ADRA1B: variants seen among roughly 807,000 people sequenced by gnomAD.
ADRA1B encodes the protein alpha-1B adrenergic receptor.
In ADRA1B, 17 loss-of-function variants were observed where a neutral mutation model predicts 17.9. The ratio of observed to expected loss-of-function variants is 0.95; its 90% CI spans 0.65 to 1.42. ADRA1B has a LOEUF of 1.42. ADRA1B is among the 40% of genes most tolerant of loss of function. The probability of loss-of-function intolerance (pLI) is 0.00; values close to 1 mark genes in which losing one functional copy is unlikely to be tolerated. For synonymous variants in ADRA1B, 366 were observed against 327.6 expected (o/e 1.12, Z -1.27); for missense variants, 681 against 722.1 (o/e 0.94, Z 0.65).
intron 1 of ADRA1B, among the ~76,000 whole-genome samples, chr5:159,957,408 G>T (rs1755574469): frequency 6.6e-6 from 1 of 151,384 alleles, no homozygotes; most frequent in South Asian, 2.1e-4. Flanking sequence ...TGTAAGCTGA[G>T]GTGGGAGGAT....
chr5:159,972,425 C>T lies in ADRA1B; in HGVS notation c.1496C>T (p.Ala499Val), dbSNP rs894733907. The T allele has an allele frequency of 8.6e-6, 13 of 1,507,842 alleles. No homozygotes were observed. Among genetic ancestry groups the T allele is most frequent in the African/African-American group, 1.4e-5 (1 of 70,404 alleles). 93.4% of individuals were successfully genotyped at this position (1,507,842 alleles called of 1,614,324 possible). A position where few individuals can be genotyped will look rare whatever the true frequency, so the allele number is the denominator to read the frequency against. The part of the protein sequence containing the change: ...GGASNGGCEA[A>V]ADVANGQPGF... ...GCCAGCAACGGAGGCTGCGAGGCCG[C>T]GGCCGACGTGGCCAACGGGCAGCCG... Residue 499 changes from alanine to valine, a missense_variant, in exon 2 of 2, where the codon GCG (alanine) becomes GTG (valine). Coordinates refer to ENST00000306675, the MANE Select transcript of ADRA1B (RefSeq NM_000679.4).
At chr5:159,896,115 C>T (rs1449688187) in intron 1 of ADRA1B, among the ~76,000 whole-genome samples, 1 of 152,188 alleles carries the variant, frequency 6.6e-6, no homozygotes, top group Non-Finnish European at 1.5e-5. Context: ...GTGCCTGACA[C>T]ATAGAAGAAT....
chr5:159,875,501 G>A (rs1753791999), intron 1 of ADRA1B, among the ~76,000 whole-genome samples: 1 of 152,096 alleles, frequency 6.6e-6, no homozygotes, highest in South Asian at 2.1e-4. Flanking sequence ...CATCAGTTTG[G>A]TTCATATACA....
the ADRA1B span, among the ~76,000 whole-genome samples, chr5:159,987,074 C>T: frequency 3.3e-4 from 50 of 152,224 alleles, no homozygotes; most frequent in Non-Finnish European, 7.3e-5. Flanking sequence ...AACGTCCACA[C>T]CCTGCCCCCA....
chr5:159,964,349 G>T (rs1012451422), intron 1 of ADRA1B, among the ~76,000 whole-genome samples: 5 of 152,176 alleles, frequency 3.3e-5, no homozygotes, highest in Admixed American at 6.5e-5. Flanking sequence ...GAGGGAGCAG[G>T]CCTCATTCAC....
chr5:159,952,476 G>A (rs973361451), intron 1 of ADRA1B, among the ~76,000 whole-genome samples: 1 of 152,168 alleles, frequency 6.6e-6, no homozygotes, highest in Non-Finnish European at 1.5e-5. Flanking sequence ...GGATATGGGG[G>A]AAACTACTGT....
chr5:159,931,649 A>T, intron 1 of ADRA1B, among the ~76,000 whole-genome samples: 1 of 152,202 alleles, frequency 6.6e-6, no homozygotes, highest in East Asian at 1.9e-4. Context: ...AATACCTTAG[A>T]CTAGGTAATT....
intron 1 of ADRA1B, chr5:159,955,214 G>A: frequency 4.1e-6 from 4 of 985,268 alleles, no homozygotes; most frequent in Non-Finnish European, 4.8e-6. Context: ...GAAGTCCTGA[G>A]GGCTGCGGGT....
At position 159,972,832 on chromosome 5, in the gene ADRA1B, G is replaced by C. The variant is rs1257213552; in HGVS notation, c.*340G>C. Among the ~76,000 whole-genome samples, 1 of 152,160 alleles carries C rather than the reference G, an allele frequency of 6.6e-6. No homozygotes were observed. The highest frequency in any genetic ancestry group is 2.4e-5 in the African/African-American group (1 of 41,452). On this transcript the variant is annotated 3_prime_UTR_variant, in exon 2 of 2. Coordinates refer to ENST00000306675, the MANE Select transcript of ADRA1B (RefSeq NM_000679.4). ...TGACTGTGCGGTGTGCGTGTGTTCC[G>C]CTTGTGTGTGTGCGTGGGGCCGCCC...
chr5:159,926,770 C>G (rs1224496092), intron 1 of ADRA1B, among the ~76,000 whole-genome samples: 2 of 152,012 alleles, frequency 1.3e-5, no homozygotes, highest in Admixed American at 1.3e-4. Context: ...ACCTGTAATC[C>G]CAGCTACTTG....
At chr5:159,915,206 A>G (rs964151601), upstream of ADRA1B, among the ~76,000 whole-genome samples, 1 of 152,078 alleles carries the variant, frequency 6.6e-6, no homozygotes. Flanking sequence ...TGAGTACCCA[A>G]CTTTGGGAGA....
chr5:159,972,021 G>C lies in ADRA1B; in HGVS notation c.1092G>C (p.Gly364=). The stretch of plus-strand genomic sequence containing the variant: ...AGCGCGCTTTCGTGCGCATCCTCGG[G>C]TGCCAGTGCCGCGGCCGCGGCCGCC... ...EFKRAFVRIL[G]CQCRGRGRRR... Residue 364 remains glycine, a synonymous_variant, in exon 2 of 2, where the codon GGG becomes GGC. Transcript: ENST00000306675. 1 of 1,444,212 alleles carries C rather than the reference G, an allele frequency of 6.9e-7. No individual in the cohort carries two copies. The highest frequency in any genetic ancestry group is 9.1e-7 in the Non-Finnish European group (1 of 1,093,942). The allele number at this position is 1,444,212 out of a possible 1,614,324, so 89.5% of individuals were successfully genotyped here. A position where few individuals can be genotyped will look rare whatever the true frequency, so the allele number is the denominator to read the frequency against.
At chr5:159,913,880 A>T, upstream of ADRA1B, among the ~76,000 whole-genome samples, 1 of 151,772 alleles carries the variant, frequency 6.6e-6, no homozygotes, top group East Asian at 1.9e-4. Flanking sequence ...ATTTTATCCC[A>T]CCCTTACCCT....
intron 1 of ADRA1B, among the ~76,000 whole-genome samples, chr5:159,894,470 A>G (rs1174256815): frequency 6.6e-6 from 1 of 152,222 alleles, no homozygotes; most frequent in Admixed American, 6.5e-5. Flanking sequence ...CCACACATGT[A>G]AATATTTACA....
At chr5:159,902,944 C>G (rs555227843) in intron 1 of ADRA1B, among the ~76,000 whole-genome samples, 24 of 152,338 alleles carry the variant, frequency 1.6e-4, no homozygotes, top group African/African-American at 5.5e-4. Context: ...GAATCAGACA[C>G]TGTCGCTCTC....
chr5:159,900,179 C>T (rs2113118541), intron 1 of ADRA1B, among the ~76,000 whole-genome samples: 1 of 152,274 alleles, frequency 6.6e-6, no homozygotes, highest in East Asian at 1.9e-4. Context: ...TTCCCTCCAC[C>T]TACCCTTTTT....
At chr5:159,940,722 A>G (rs1456983468) in intron 1 of ADRA1B, among the ~76,000 whole-genome samples, 3 of 152,160 alleles carry the variant, frequency 2.0e-5, no homozygotes, top group African/African-American at 7.2e-5. Context: ...ACACACACTT[A>G]CACATACACA....
At chr5:159,978,948 C>T in the ADRA1B span, among the ~76,000 whole-genome samples, 1 of 152,174 alleles carries the variant, frequency 6.6e-6, no homozygotes, top group African/African-American at 2.4e-5. Context: ...TCTTAAACAC[C>T]TACACAAAGC....
chr5:159,890,552 G>C (rs991519782), intron 1 of ADRA1B, among the ~76,000 whole-genome samples: 3 of 152,150 alleles, frequency 2.0e-5, no homozygotes, highest in Non-Finnish European at 4.4e-5. Flanking sequence ...AAGGCTGAAG[G>C]CTGCACTCAC....
Sources: gnomAD v4.1 joint callset for allele counts (sites outside exome capture counted in the v4.1 genomes callset) on GRCh38, gnomAD v4.1.1 for gene constraint, MANE v1.5 for transcripts, NCBI Gene and HGNC (gene_info 2026-07-23, HGNC 2026-07-21) for gene names.